The following FUT9 variants were observed in gnomAD, a reference collection of about 807,000 sequenced individuals.
The protein encoded by FUT9 is fucosyltransferase 9, also known as 4-galactosyl-N-acetylglucosaminide 3-alpha-L-fucosyltransferase 9.
In FUT9, 15 loss-of-function variants were observed where a neutral mutation model predicts 29.7. That is an observed-to-expected ratio of 0.51 (90% CI 0.34 to 0.78). FUT9 has a LOEUF of 0.78. FUT9 is among the 30% of genes least tolerant of loss of function. The pLI, the probability that FUT9 is intolerant of heterozygous loss-of-function variation, is 0.01. For synonymous variants in FUT9, 169 were observed against 153.7 expected (o/e 1.10, Z -0.74); for missense variants, 319 against 425.4 (o/e 0.75, Z 2.20).
intron 1 of FUT9, among the ~76,000 whole-genome samples, chr6:96,094,507 G>A (rs910799143): frequency 4.6e-5 from 7 of 152,088 alleles, no homozygotes; most frequent in African/African-American, 1.7e-4. Context: ...CCTATGATGA[G>A]AATGACTCTG....
At chr6:96,136,840 C>G (rs370036142) in intron 2 of FUT9, among the ~76,000 whole-genome samples, 13 of 152,026 alleles carry the variant, frequency 8.6e-5, no homozygotes, top group African/African-American at 3.1e-4. Flanking sequence ...ATGCCATTCT[C>G]AAACAAATTT....
intron 2 of FUT9, among the ~76,000 whole-genome samples, chr6:96,183,588 A>C (rs1402632475): frequency 6.6e-6 from 1 of 151,934 alleles, no homozygotes; most frequent in East Asian, 1.9e-4. Flanking sequence ...TTTGTCATAG[A>C]TGGCTTTTAT....
intron 2 of FUT9, among the ~76,000 whole-genome samples, chr6:96,155,305 T>C (rs1387983061): frequency 6.6e-6 from 1 of 152,048 alleles, no homozygotes; most frequent in Admixed American, 6.6e-5. Flanking sequence ...GAGAGAGTGT[T>C]ATGGTCTGAA....
At chr6:96,193,847 T>C (rs527500832) in intron 2 of FUT9, among the ~76,000 whole-genome samples, 55 of 152,164 alleles carry the variant, frequency 3.6e-4, no homozygotes, top group Non-Finnish European at 6.2e-4. Flanking sequence ...ATGTGGCACA[T>C]ATACACCATG....
At chr6:96,198,330 A>G (rs1773665488) in intron 2 of FUT9, among the ~76,000 whole-genome samples, 2 of 138,536 alleles carry the variant, frequency 1.4e-5, no homozygotes, top group South Asian at 4.4e-4. Flanking sequence ...ATGTGTTCTC[A>G]TTGTTCAATT....
chr6:96,162,190 T>C (rs1772917593), intron 2 of FUT9, among the ~76,000 whole-genome samples: 1 of 152,216 alleles, frequency 6.6e-6, no homozygotes, highest in African/African-American at 2.4e-5. Context: ...TTCTGATGCG[T>C]GCTTTTTCTC....
chr6:96,064,801 T>C (rs1481523721), intron 1 of FUT9, among the ~76,000 whole-genome samples: 1 of 151,894 alleles, frequency 6.6e-6, no homozygotes, highest in African/African-American at 2.4e-5. Context: ...CATTCAATTT[T>C]CTCCCCACCT....
intron 2 of FUT9, among the ~76,000 whole-genome samples, chr6:96,144,664 A>G (rs1772531421): frequency 6.6e-6 from 1 of 152,220 alleles, no homozygotes; most frequent in Non-Finnish European, 1.5e-5. Flanking sequence ...AAAAGAAAAT[A>G]AGAAATTGAT....
Position 96,208,482 on chromosome 6 carries a change from T to G in FUT9, c.*4247T>G, listed in dbSNP as rs1312226789. On this transcript the variant is annotated 3_prime_UTR_variant, in exon 3 of 3. Transcript: ENST00000302103. ...GTGCCTAATGTACAGGAGGGTCATATCAAATACTTGTTGAATAAATACATG... is the reference window on the plus strand; with the variant it reads ...GTGCCTAATGTACAGGAGGGTCATAGCAAATACTTGTTGAATAAATACATG... 4 of 166,832 alleles carry G rather than the reference T, an allele frequency of 2.4e-5. No individual in the cohort carries two copies. The highest frequency in any genetic ancestry group is 5.9e-5 in the Non-Finnish European group (4 of 68,038). 10.3% of individuals were successfully genotyped at this position (166,832 alleles called of 1,614,324 possible).
Position 96,204,977 on chromosome 6 carries a change from A to G in FUT9, c.*742A>G, listed in dbSNP as rs1261677627. On this transcript the variant is annotated 3_prime_UTR_variant, in exon 3 of 3. Coordinates refer to ENST00000302103, the MANE Select transcript of FUT9 (RefSeq NM_006581.4). ...TGGGAAGTAATCCCAATAATACTTT[A>G]GAAAATCTAAGACAGTTCTTTCTGC... is the stretch of plus-strand genomic sequence containing the variant. 3.1e-5 allele frequency: 5 copies of G among 163,060 alleles called. No individual in the cohort carries two copies. Among genetic ancestry groups the G allele is most frequent in the African/African-American group, 1.2e-4 (5 of 41,440 alleles). 10.1% of individuals were successfully genotyped at this position (163,060 alleles called of 1,614,324 possible).
At chr6:96,057,436 G>T (rs935512027) in intron 1 of FUT9, among the ~76,000 whole-genome samples, 1 of 152,106 alleles carries the variant, frequency 6.6e-6, no homozygotes, top group Non-Finnish European at 1.5e-5. Context: ...TCAGACATAG[G>T]CACTGAATAA....
intron 1 of FUT9, among the ~76,000 whole-genome samples, chr6:96,072,860 C>T (rs1392745498): frequency 6.6e-6 from 1 of 152,126 alleles, no homozygotes; most frequent in East Asian, 1.9e-4. Flanking sequence ...TGGATACTTT[C>T]TAGTATATTG....
At position 96,165,971 on chromosome 6, in the gene FUT9, C is replaced by G. The variant is rs939513414; in HGVS notation, c.-8-37177C>G. Among the ~76,000 whole-genome samples the G allele has an allele frequency of 3.9e-5, 6 of 152,128 alleles. No individual in the cohort carries two copies. In the South Asian group the frequency reaches 1.0e-3, roughly 26 times the overall value. ...TGTCAGACAAAGGTCTGAGAATTAG[C>G]TACTAAAATTCTAGCTTCGGCTTGT... On this transcript the variant is annotated intron_variant, in intron 2 of 2. Coordinates refer to ENST00000302103, the MANE Select transcript of FUT9 (RefSeq NM_006581.4).
At chr6:96,178,308 C>G (rs556486716) in intron 2 of FUT9, among the ~76,000 whole-genome samples, 7 of 152,172 alleles carry the variant, frequency 4.6e-5, no homozygotes, top group Non-Finnish European at 7.4e-5. Flanking sequence ...AATATCACAA[C>G]GTATTTCCTC....
rs1337931349 is a variant in FUT9, at chr6:96,212,063, AT to A, written c.*7832del. On this transcript the variant is annotated 3_prime_UTR_variant, in exon 3 of 3. Transcript: ENST00000302103. ...AACTTTCCACACATGGCTGCATTCC[AT>A]TTTGATTAATGAGGGTTCAGGAAAT... is the stretch of plus-strand genomic sequence containing the variant. 1.5e-5 allele frequency: 6 copies of A among 412,350 alleles called. No homozygotes were observed. The highest frequency in any genetic ancestry group is 1.2e-4 in the African/African-American group (6 of 48,606). 25.5% of individuals were successfully genotyped at this position (412,350 alleles called of 1,614,324 possible).
chr6:96,203,011 T>C (rs1203648542), intron 2 of FUT9, 137 bp from the exon 3 acceptor site: 5 of 656,298 alleles, frequency 7.6e-6, no homozygotes, highest in Non-Finnish European at 1.3e-5. Flanking sequence ...AATGGTTTGA[T>C]AACACTGAAA....
At chr6:96,139,052 T>TAATTACA (rs1462371839) in intron 2 of FUT9, among the ~76,000 whole-genome samples, 1 of 152,196 alleles carries the variant, frequency 6.6e-6, no homozygotes, top group Non-Finnish European at 1.5e-5. Flanking sequence ...AGGTGTATAT[T>TAATTACA]GGTCCATTTT....
chr6:96,023,081 A>G (rs1770103239), intron 1 of FUT9, among the ~76,000 whole-genome samples: 1 of 151,926 alleles, frequency 6.6e-6, no homozygotes, highest in Admixed American at 6.6e-5. Context: ...GCTTCATTCA[A>G]AAGATGCTGA....
In FUT9 at chr6:96,077,188, T is replaced by C. The variant is rs374988373; in HGVS notation, c.-97-36851T>C. 2.0e-5 allele frequency among the ~76,000 whole-genome samples: 3 copies of C among 152,220 alleles called. No homozygotes were observed. In the East Asian group the frequency reaches 5.8e-4, roughly 29 times the overall value. Reference sequence around the variant, plus strand: ...GCTATTGTTGTTTTTGACTTTGTGTTATGGTAATGAGGTTAGGATCCTCAC... The same window carrying C: ...GCTATTGTTGTTTTTGACTTTGTGTCATGGTAATGAGGTTAGGATCCTCAC... On this transcript the variant is annotated intron_variant, in intron 1 of 2. Transcript: ENST00000302103.
Sources: allele counts gnomAD v4.1 joint callset (sites outside exome capture counted in the v4.1 genomes callset), GRCh38; gene constraint gnomAD v4.1.1; transcripts MANE v1.5; gene names NCBI Gene and HGNC (gene_info 2026-07-23, HGNC 2026-07-21).